Variants in MRTFA observed in about 807,000 individuals in gnomAD.
The protein encoded by MRTFA is myocardin related transcription factor A.
MRTFA carries 20 observed loss-of-function variants against 83.5 expected under a neutral mutation model. The ratio of observed to expected loss-of-function variants is 0.24; its 90% CI spans 0.17 to 0.35. The LOEUF (loss-of-function observed/expected upper bound fraction) is 0.35, where lower values mean the gene tolerates loss of function less well. Ranked by LOEUF, MRTFA falls within the 10% of genes least tolerant of loss-of-function variation. The pLI is 1.00. For synonymous variants in MRTFA, 659 were observed against 541.2 expected, an observed-to-expected ratio of 1.22 and a Z score of -3.02; for missense variants, 1,200 against 1,224.7, an observed-to-expected ratio of 0.98 and a Z score of 0.30.
chr22:40,550,914 C>T lies in MRTFA; in HGVS notation c.241+1192G>A, dbSNP rs576499921. On this transcript the variant is annotated intron_variant, in intron 3 of 14. Transcript: ENST00000355630. Reference sequence around the variant, plus strand: ...TTGCCCAGGCTGGAGTGCAGTGGCGCGATCTCGGCTCACCGCAACCTCTGC... The same window carrying T: ...TTGCCCAGGCTGGAGTGCAGTGGCGTGATCTCGGCTCACCGCAACCTCTGC... Among the ~76,000 whole-genome samples the T allele has an allele frequency of 6.2e-3, 927 of 148,688 alleles. 6 individuals carry two copies. Among genetic ancestry groups the T allele is most frequent in the Non-Finnish European group, 0.011 (731 of 67,494 alleles).
chr22:40,469,140 TAGAC>T (rs1451356187), intron 3 of MRTFA, among the ~76,000 whole-genome samples: 1 of 152,158 alleles, frequency 6.6e-6, no homozygotes, highest in Non-Finnish European at 1.5e-5. Flanking sequence ...CTCTCAACAA[TAGAC>T]AGAACAACTA....
intron 3 of MRTFA, among the ~76,000 whole-genome samples, chr22:40,531,734 C>G (rs749067118): frequency 5.9e-5 from 9 of 152,256 alleles, no homozygotes; most frequent in Non-Finnish European, 1.2e-4. Context: ...GGCTTCATAA[C>G]AGATGCTTTT....
rs573403258 is a variant in MRTFA at position 40,553,654 on chromosome 22, G to A, written c.-21-1287C>T. On this transcript the variant is annotated intron_variant, in intron 2 of 14. Transcript: ENST00000355630. ...GATGTCCACGCAGAAGTTTGCTACAGGGGTACAGCTCTCATGGAGAACCTC... is the reference window on the plus strand; with the variant it reads ...GATGTCCACGCAGAAGTTTGCTACAAGGGTACAGCTCTCATGGAGAACCTC... Among the ~76,000 whole-genome samples the A allele has an allele frequency of 3.3e-5, 5 of 152,338 alleles. No individual in the cohort carries two copies. In the East Asian group the frequency reaches 9.6e-4, roughly 29 times the overall value.
chr22:40,423,978 C>T (rs1383866623), intron 8 of MRTFA, among the ~76,000 whole-genome samples: 1 of 152,212 alleles, frequency 6.6e-6, no homozygotes, highest in Non-Finnish European at 1.5e-5. Context: ...GCAAGGCAGC[C>T]ATGGCCAGCG....
At chr22:40,448,183 G>C (rs919513739) in intron 4 of MRTFA, among the ~76,000 whole-genome samples, 1 of 152,220 alleles carries the variant, frequency 6.6e-6, no homozygotes, top group African/African-American at 2.4e-5. Flanking sequence ...GACGGTGCAC[G>C]CCTGTAATCC....
chr22:40,547,654 C>A (rs1224982882), intron 3 of MRTFA, among the ~76,000 whole-genome samples: 1 of 151,914 alleles, frequency 6.6e-6, no homozygotes, highest in African/African-American at 2.4e-5. Context: ...GAGTTCAAGA[C>A]CAGCCTGGCC....
At chr22:40,487,635 A>G (rs2054194629) in intron 3 of MRTFA, among the ~76,000 whole-genome samples, 3 of 152,228 alleles carry the variant, frequency 2.0e-5, no homozygotes. Context: ...CTCAGAAAGA[A>G]TCTCACTATC....
chr22:40,589,161 C>T (rs2056078236), intron 2 of MRTFA, among the ~76,000 whole-genome samples: 1 of 152,054 alleles, frequency 6.6e-6, no homozygotes, highest in African/African-American at 2.4e-5. Context: ...GAATCTAAAT[C>T]TCCCCCCAAG....
intron 2 of MRTFA, 112 bp from the exon 3 acceptor site, chr22:40,552,479 C>T (rs1007234181): frequency 1.5e-5 from 6 of 388,694 alleles, no homozygotes; most frequent in Non-Finnish European, 2.7e-5. Context: ...TCACACATAT[C>T]ATGGGAGGGA....
At chr22:40,455,448 C>A (rs2147136493) in intron 4 of MRTFA, among the ~76,000 whole-genome samples, 1 of 151,948 alleles carries the variant, frequency 6.6e-6, no homozygotes, top group Admixed American at 6.6e-5. Flanking sequence ...AGATTGAGAC[C>A]ATCCTGGCTA....
chr22:40,429,502 G>T, intron 7 of MRTFA, 104 bp downstream of exon 7: 2 of 1,353,552 alleles, frequency 1.5e-6, no homozygotes, highest in Non-Finnish European at 2.1e-6. Flanking sequence ...GGAAGTCAAA[G>T]ATTAAGAAGT....
At chr22:40,578,237 A>C (rs983898248) in intron 2 of MRTFA, among the ~76,000 whole-genome samples, 1 of 152,174 alleles carries the variant, frequency 6.6e-6, no homozygotes, top group Non-Finnish European at 1.5e-5. Flanking sequence ...TACAGGTGTG[A>C]GCCACCAGGC....
chr22:40,570,085 A>G (rs970413826), intron 2 of MRTFA, among the ~76,000 whole-genome samples: 4 of 152,146 alleles, frequency 2.6e-5, no homozygotes, highest in African/African-American at 7.2e-5. Flanking sequence ...TCATTGTGAC[A>G]GGCCTGGGAG....
chr22:40,431,599 C>A, intron 5 of MRTFA, 119 bp from the exon 6 acceptor site: 2 of 916,826 alleles, frequency 2.2e-6, no homozygotes, highest in Non-Finnish European at 3.5e-6. Context: ...GTTCCCACAA[C>A]CTTAACTTGG....
intron 3 of MRTFA, among the ~76,000 whole-genome samples, chr22:40,489,381 G>A (rs1203809508): frequency 6.0e-5 from 9 of 150,018 alleles, no homozygotes; most frequent in Admixed American, 2.7e-4. Flanking sequence ...ACGGAGTCTC[G>A]TTCTGTCGCC....
intron 4 of MRTFA, among the ~76,000 whole-genome samples, chr22:40,443,276 A>T (rs144932187): frequency 2.0e-5 from 3 of 151,924 alleles, no homozygotes; most frequent in Non-Finnish European, 4.4e-5. Context: ...AAAAACAAAC[A>T]AAAAAAACTT....
intron 3 of MRTFA, among the ~76,000 whole-genome samples, chr22:40,487,118 T>C (rs1217127593): frequency 6.6e-6 from 1 of 152,160 alleles, no homozygotes; most frequent in Non-Finnish European, 1.5e-5. Context: ...CTAAATAACA[T>C]CTAAGGACAG....
chr22:40,631,501 A>G (rs912662015), intron 1 of MRTFA, among the ~76,000 whole-genome samples: 1 of 152,206 alleles, frequency 6.6e-6, no homozygotes, highest in African/African-American at 2.4e-5. Flanking sequence ...CCAAGTTCAT[A>G]CACACGGCCG....
chr22:40,502,222 G>A (rs2054500624), intron 3 of MRTFA, among the ~76,000 whole-genome samples: 2 of 144,806 alleles, frequency 1.4e-5, no homozygotes. Context: ...TCACTTCCCA[G>A]ATGGGGTGGC....
Sources: gnomAD v4.1 joint callset for allele counts (sites outside exome capture counted in the v4.1 genomes callset) on GRCh38, gnomAD v4.1.1 for gene constraint, MANE v1.5 for transcripts, NCBI Gene and HGNC (gene_info 2026-07-23, HGNC 2026-07-21) for gene names.